UBXN4: variants seen among roughly 807,000 people sequenced by gnomAD.
The protein encoded by UBXN4 is UBX domain protein 4.
UBXN4 carries 35 observed loss-of-function variants against 66.2 expected under a neutral mutation model. The ratio of observed to expected loss-of-function variants is 0.53; its 90% CI spans 0.40 to 0.70. The LOEUF (loss-of-function observed/expected upper bound fraction) is 0.70. Among genes scored for constraint, UBXN4 ranks in the 30% least tolerant of loss-of-function variants. The pLI is 0.00. For missense variants in UBXN4, 533 were observed against 599.8 expected (o/e 0.89, Z 1.16); for synonymous variants, 203 against 204.5 (o/e 0.99, Z 0.06).
chr2:135,751,561 A>G lies in UBXN4; in HGVS notation c.186-1978A>G, dbSNP rs376094783. Among the ~76,000 whole-genome samples, 54 of 150,100 alleles carry G rather than the reference A, an allele frequency of 3.6e-4. No individual in the cohort carries two copies. In the South Asian group the frequency reaches 0.011, roughly 31 times the overall value. ...ATGGTTCATGTTTGTTTCACTGTAG[A>G]CTGCATGCTGATAGAATCTAGTGTG... On this transcript the variant is annotated intron_variant, in intron 2 of 12. Transcript: ENST00000272638.
intron 6 of UBXN4, among the ~76,000 whole-genome samples, chr2:135,767,259 C>T (rs1237674860): frequency 6.6e-6 from 1 of 151,930 alleles, no homozygotes; most frequent in Non-Finnish European, 1.5e-5. Flanking sequence ...CACTGAGGAG[C>T]CTGAGGTAGA....
intron 1 of UBXN4, among the ~76,000 whole-genome samples, chr2:135,745,875 CTTT>C (rs59946844): frequency 0.032 from 2,412 of 74,386 alleles, 103 homozygotes; most frequent in African/African-American, 0.12. Context: ...GTCCCGTTTA[CTTT>C]TTTTTTTTTT....
In UBXN4 at chr2:135,768,680, C is replaced by T. The variant is rs866522499; in HGVS notation, c.603-1089C>T. 3.3e-5 allele frequency among the ~76,000 whole-genome samples: 5 copies of T among 151,968 alleles called. No homozygotes were observed. In the South Asian group the frequency reaches 1.0e-3, roughly 32 times the overall value. ...CCAGGTTCAAGCGATTCTCCTGTCT[C>T]AGCCTCCCGAGTAGCTGGGTTTACA... On this transcript the variant is annotated intron_variant, in intron 6 of 12. Coordinates refer to ENST00000272638, the MANE Select transcript of UBXN4 (RefSeq NM_014607.4).
At chr2:135,764,267 C>T (rs112101215) in intron 6 of UBXN4, among the ~76,000 whole-genome samples, 1 of 152,138 alleles carries the variant, frequency 6.6e-6, no homozygotes, top group Non-Finnish European at 1.5e-5. Flanking sequence ...CTGTAGTTGA[C>T]TTTAAGTCTT....
intron 6 of UBXN4, among the ~76,000 whole-genome samples, chr2:135,766,380 A>G (rs1255422626): frequency 6.6e-6 from 1 of 152,206 alleles, no homozygotes; most frequent in Admixed American, 6.5e-5. Context: ...GAAATTCTCA[A>G]TTGATACAGT....
intron 6 of UBXN4, among the ~76,000 whole-genome samples, chr2:135,767,430 T>C (rs995872667): frequency 6.6e-6 from 1 of 152,210 alleles, no homozygotes; most frequent in Non-Finnish European, 1.5e-5. Flanking sequence ...TTCCCAATTA[T>C]GGATTCCCTC....
chr2:135,755,574 G>C lies in UBXN4; in HGVS notation c.391G>C (p.Val131Leu). Residue 131 changes from valine to leucine, a missense_variant, in exon 5 of 13, where the codon GTG becomes CTG. Around this residue, in one of 2 missense-constraint regions of UBXN4, gnomAD observed 529 missense variants for 580.1 expected, o/e 0.91. Transcript: ENST00000272638. ...AAATGGCAGTCAGTCAGAAAGTTCA[G>C]TGTCTACTCCATCTGCGTCATTTGA... ...VANGSQSESS[V>L]STPSASFEPN... 6.2e-7 allele frequency: 1 copy of C among 1,607,576 alleles called. No individual in the cohort carries two copies. The highest frequency in any genetic ancestry group is 1.1e-5 in the South Asian group (1 of 90,002).
intron 6 of UBXN4, among the ~76,000 whole-genome samples, chr2:135,763,792 C>T (rs1179589560): frequency 2.0e-5 from 3 of 151,858 alleles, no homozygotes; most frequent in African/African-American, 7.3e-5. Context: ...CACCACTGTA[C>T]TCCAGCCTGA....
chr2:135,778,827 A>T lies in UBXN4; in HGVS notation c.1054-121A>T, dbSNP rs1003578206. The T allele has an allele frequency of 2.4e-5, 26 of 1,087,166 alleles. No individual in the cohort carries two copies. In the African/African-American group the frequency reaches 3.9e-4, roughly 16 times the overall value. 67.3% of individuals were successfully genotyped at this position (1,087,166 alleles called of 1,614,324 possible). A position where few individuals can be genotyped will look rare whatever the true frequency, so the allele number is the denominator to read the frequency against. On this transcript the variant is annotated intron_variant, in intron 10 of 12. Transcript: ENST00000272638. ...AAGCACAATTTTATACCTTTTTTTG[A>T]GTTTACATGTAATGAACTTTTAAAA...
chr2:135,766,837 T>G (rs2077351261), intron 6 of UBXN4, among the ~76,000 whole-genome samples: 1 of 152,198 alleles, frequency 6.6e-6, no homozygotes, highest in South Asian at 2.1e-4. Context: ...GCTTAAAAAC[T>G]TCACCCGGTG....
At chr2:135,748,113 C>T (rs1397105660) in intron 1 of UBXN4, 154 bp from the exon 2 acceptor site, 3 of 491,850 alleles carry the variant, frequency 6.1e-6, no homozygotes, top group Non-Finnish European at 3.5e-6. Context: ...TATGCAGTCA[C>T]ACTTTTCATT....
At chr2:135,752,911 A>G (rs1182811937) in intron 2 of UBXN4, among the ~76,000 whole-genome samples, 3 of 150,744 alleles carry the variant, frequency 2.0e-5, no homozygotes, top group African/African-American at 7.3e-5. Flanking sequence ...AGTAGAGACC[A>G]GATTTCACCA....
At chr2:135,777,882 CA>C (rs552378797) in intron 10 of UBXN4, among the ~76,000 whole-genome samples, 1 of 136,294 alleles carries the variant, frequency 7.3e-6, no homozygotes, top group Non-Finnish European at 1.6e-5. Flanking sequence ...GACTCCATCT[CA>C]AAAAAAACAA....
intron 2 of UBXN4, among the ~76,000 whole-genome samples, chr2:135,751,022 A>ATTT (rs34978778): frequency 8.0e-6 from 1 of 125,770 alleles, no homozygotes; most frequent in Non-Finnish European, 1.6e-5. Context: ...TGCCCGGCTA[A>ATTT]TTTTTTTTTT....
chr2:135,746,021 GT>G (rs777165182), intron 1 of UBXN4, among the ~76,000 whole-genome samples: 9 of 151,834 alleles, frequency 5.9e-5, no homozygotes, highest in Non-Finnish European at 1.2e-4. Context: ...GGGACTACAG[GT>G]GTGTGTCACC....
At chr2:135,762,698 G>A (rs1229896805) in intron 6 of UBXN4, among the ~76,000 whole-genome samples, 1 of 152,196 alleles carries the variant, frequency 6.6e-6, no homozygotes, top group East Asian at 1.9e-4. Context: ...TGTAGGGGAA[G>A]GGGCAGTGCC....
chr2:135,752,134 G>A (rs766773895), intron 2 of UBXN4, among the ~76,000 whole-genome samples: 1 of 151,544 alleles, frequency 6.6e-6, no homozygotes, highest in Non-Finnish European at 1.5e-5. Flanking sequence ...TGCAACCTCC[G>A]CCTCCTGGGT....
At chr2:135,749,449 T>C (rs2077229049) in intron 2 of UBXN4, among the ~76,000 whole-genome samples, 1 of 152,212 alleles carries the variant, frequency 6.6e-6, no homozygotes, top group African/African-American at 2.4e-5. Flanking sequence ...CAAACATATA[T>C]GAAAGTAATG....
chr2:135,745,437 C>T (rs1448694961), intron 1 of UBXN4, among the ~76,000 whole-genome samples: 2 of 152,090 alleles, frequency 1.3e-5, no homozygotes, highest in East Asian at 3.8e-4. Context: ...TTTTTAGTAG[C>T]ATTTATTACT....
Sources: gnomAD v4.1 joint callset for allele counts (sites outside exome capture counted in the v4.1 genomes callset) on GRCh38, gnomAD v4.1.1 for gene constraint, gnomAD v4.1.1 regional missense constraint, MANE v1.5 for transcripts, NCBI Gene and HGNC (gene_info 2026-07-23, HGNC 2026-07-21) for gene names.